Variants in BCR observed in about 807,000 individuals in gnomAD.
BCR encodes the protein breakpoint cluster region protein.
Under a neutral mutation model 138.6 loss-of-function variants are expected in BCR, and 58 were observed. The ratio of observed to expected loss-of-function variants is 0.42; its 90% CI spans 0.34 to 0.52. The LOEUF (loss-of-function observed/expected upper bound fraction) is 0.52. Ranked by LOEUF, BCR falls within the 20% of genes least tolerant of loss-of-function variation. The pLI is 0.06. For synonymous variants in BCR, 786 were observed against 730.1 expected (o/e 1.08, Z -1.23); for missense variants, 1,599 against 1,727.2 (o/e 0.93, Z 1.32).
intron 1 of BCR, chr22:23,199,241 C>CTCT (rs2072519617): frequency 3.9e-6 from 2 of 515,908 alleles, no homozygotes; most frequent in Non-Finnish European, 3.9e-6. Context: ...CTCCAGAAGA[C>CTCT]TCTTCTCTTC....
chr22:23,245,947 G>A (rs2073152830), intron 1 of BCR, among the ~76,000 whole-genome samples: 1 of 152,136 alleles, frequency 6.6e-6, no homozygotes, highest in Admixed American at 6.5e-5. Context: ...CGTCACCCCA[G>A]AAGGAAACCC....
intron 4 of BCR, 74 bp from the exon 5 acceptor site, chr22:23,268,334 A>C: frequency 7.9e-7 from 1 of 1,262,166 alleles, no homozygotes; most frequent in Non-Finnish European, 1.1e-6. Flanking sequence ...AGAGCTGTGC[A>C]CGGGAGCCTG....
At position 23,258,259 on chromosome 22, in the gene BCR, C is replaced by T. The variant is rs201188899; in HGVS notation, c.1462-2691C>T. On this transcript the variant is annotated intron_variant, in intron 2 of 22. Coordinates refer to ENST00000305877, the MANE Select transcript of BCR (RefSeq NM_004327.4). ...GGAGATTCCCAGGGCAAAAAGGTGG[C>T]CCAGGAAGGCTTTTTAGATGGTCCC... Among the ~76,000 whole-genome samples, 147 of 145,818 alleles carry T rather than the reference C, an allele frequency of 1.0e-3. 1 individual carries two copies. The highest frequency in any genetic ancestry group is 3.4e-3 in the African/African-American group (139 of 41,144).
intron 2 of BCR, among the ~76,000 whole-genome samples, chr22:23,259,844 A>G (rs1478452600): frequency 2.6e-5 from 4 of 152,124 alleles, no homozygotes; most frequent in Non-Finnish European, 2.9e-5. Context: ...TTAAGTTAGC[A>G]GAGCGAGGTG....
intron 11 of BCR, 63 bp downstream of exon 11, chr22:23,287,341 A>G: frequency 6.8e-7 from 1 of 1,471,562 alleles, no homozygotes; most frequent in Non-Finnish European, 9.0e-7. Flanking sequence ...CTGGTTGCCT[A>G]ATGGCAGTGC....
At chr22:23,221,792 T>C (rs1311202099) in intron 1 of BCR, among the ~76,000 whole-genome samples, 1 of 152,168 alleles carries the variant, frequency 6.6e-6, no homozygotes, top group African/African-American at 2.4e-5. Context: ...GTTGTCTTTG[T>C]TATGAGAAGT....
intron 16 of BCR, among the ~76,000 whole-genome samples, chr22:23,297,101 G>A (rs1240303154): frequency 2.0e-5 from 3 of 152,038 alleles, no homozygotes; most frequent in Non-Finnish European, 4.4e-5. Context: ...GCAATGGCAG[G>A]ATCATAGCTC....
chr22:23,240,672 GAAAA>G (rs921370145), intron 1 of BCR, among the ~76,000 whole-genome samples: 2 of 151,742 alleles, frequency 1.3e-5, no homozygotes, highest in East Asian at 1.9e-4. Flanking sequence ...AAAAGAAAAA[GAAAA>G]AAAGAAAATA....
chr22:23,277,666 T>C (rs2073594346), intron 8 of BCR, among the ~76,000 whole-genome samples: 2 of 152,158 alleles, frequency 1.3e-5, no homozygotes. Context: ...GGTGGCCCAT[T>C]GCTACCTGCT....
intron 8 of BCR, among the ~76,000 whole-genome samples, chr22:23,278,863 G>T (rs1602096695): frequency 1.3e-5 from 2 of 152,200 alleles, no homozygotes; most frequent in East Asian, 3.9e-4. Flanking sequence ...AGCTCCACTG[G>T]ACACCAAACA....
Position 23,295,153 on chromosome 22 carries a change from C to T in BCR, c.3010C>T (p.Gln1004Ter). The change falls in exon 16 of 23, where the codon CAG becomes TAG. Residue 1004 changes from glutamine to a stop codon, truncating the protein, a stop_gained and splice_region_variant. Coordinates refer to ENST00000305877, the MANE Select transcript of BCR (RefSeq NM_004327.4). LOFTEE classifies it high-confidence loss of function. ...CAGACTCATGGGGAAGGGCCAGGTC[C>T]AGGTGAGGCAGCCATCCCTACCCTC... The part of the protein sequence containing the change: ...TDRLMGKGQV[Q>*]LDPQALQDRD... 7 of 1,613,808 alleles carry T rather than the reference C, an allele frequency of 4.3e-6. No homozygotes were observed. The highest frequency in any genetic ancestry group is 5.9e-6 in the Non-Finnish European group (7 of 1,179,828).
chr22:23,199,953 T>A (rs2072532083), intron 1 of BCR, among the ~76,000 whole-genome samples: 1 of 151,716 alleles, frequency 6.6e-6, no homozygotes, highest in Non-Finnish European at 1.5e-5. Context: ...CCGGGCGTGG[T>A]GGCGGGCGCC....
chr22:23,257,774 C>T (rs2073310825), intron 2 of BCR, among the ~76,000 whole-genome samples: 1 of 152,172 alleles, frequency 6.6e-6, no homozygotes, highest in Non-Finnish European at 1.5e-5. Flanking sequence ...TTCAGGGCAC[C>T]AAGGCAGGCT....
chr22:23,266,607 C>G (rs1328760015), intron 4 of BCR, among the ~76,000 whole-genome samples: 1 of 152,190 alleles, frequency 6.6e-6, no homozygotes, highest in Admixed American at 6.5e-5. Context: ...CCAGGTTGGT[C>G]TTGAACTCCT....
chr22:23,255,590 T>G (rs2073284293), intron 2 of BCR, among the ~76,000 whole-genome samples: 1 of 152,214 alleles, frequency 6.6e-6, no homozygotes, highest in Admixed American at 6.5e-5. Flanking sequence ...TTGAGGGCTA[T>G]CTGCACCCAG....
chr22:23,278,562 A>G (rs2073605855), intron 8 of BCR, among the ~76,000 whole-genome samples: 1 of 152,144 alleles, frequency 6.6e-6, no homozygotes, highest in Non-Finnish European at 1.5e-5. Flanking sequence ...CCCCGTCTCC[A>G]CTAAAAATGC....
rs56805241 is a variant in BCR, at chr22:23,304,099, ATT to A, written c.3013-5302_3013-5301del. On this transcript the variant is annotated intron_variant, in intron 16 of 22. Coordinates refer to ENST00000305877, the MANE Select transcript of BCR (RefSeq NM_004327.4). Reference sequence around the variant, plus strand: ...CAGGCATGCGCCACCATGCCAGGCTATTTTTTTTTTTTTTTTTTTTTTTTGAG... The same window carrying A: ...CAGGCATGCGCCACCATGCCAGGCTATTTTTTTTTTTTTTTTTTTTTTGAG... Among the ~76,000 whole-genome samples, 122 of 102,176 alleles carry A rather than the reference ATT, an allele frequency of 1.2e-3. No homozygotes were observed. The Middle Eastern group carries it at 0.024, about 20-fold the overall frequency. 67.0% of individuals were successfully genotyped at this position (102,176 alleles called of 152,430 possible).
chr22:23,182,711 A>T (rs1400706540), intron 1 of BCR, among the ~76,000 whole-genome samples: 3 of 152,202 alleles, frequency 2.0e-5, no homozygotes, highest in African/African-American at 7.2e-5. Flanking sequence ...TGGAGGGGTT[A>T]TATGACACGT....
At chr22:23,263,792 C>T (rs2073401803) in intron 4 of BCR, 2 of 1,382,600 alleles carry the variant, frequency 1.4e-6, no homozygotes, top group Non-Finnish European at 2.1e-6. Flanking sequence ...ACAGGACGGC[C>T]AAGGTGTGGC....
Sources: allele counts gnomAD v4.1 joint callset (sites outside exome capture counted in the v4.1 genomes callset), GRCh38; gene constraint gnomAD v4.1.1; transcripts MANE v1.5; gene names NCBI Gene and HGNC (gene_info 2026-07-23, HGNC 2026-07-21).